The following RYR2 variants were observed in gnomAD, a reference collection of about 807,000 sequenced individuals.
RYR2 encodes ryanodine receptor 2.
In RYR2, 227 loss-of-function variants were observed where a neutral mutation model predicts 601.1. That is an observed-to-expected ratio of 0.38 (90% CI 0.34 to 0.42). The LOEUF (loss-of-function observed/expected upper bound fraction) is 0.42, where lower values mean the gene tolerates loss of function less well. RYR2 is among the 10% of genes least tolerant of loss of function. The pLI, the probability that RYR2 is intolerant of heterozygous loss-of-function variation, is 1.00. For synonymous variants in RYR2, 2,223 were observed against 2,175.1 expected (o/e 1.02, Z -0.61); for missense variants, 4,646 against 6,156.5 (o/e 0.75, Z 8.21).
chr1:237,812,571 G>T (rs925720882), intron 100 of RYR2, among the ~76,000 whole-genome samples: 9 of 152,090 alleles, frequency 5.9e-5, no homozygotes, highest in Admixed American at 4.6e-4. Context: ...TACTAGACAG[G>T]GAAATAGAAA....
chr1:237,416,120 G>T (rs1054372662), intron 10 of RYR2, among the ~76,000 whole-genome samples: 1 of 152,092 alleles, frequency 6.6e-6, no homozygotes, highest in Non-Finnish European at 1.5e-5. Flanking sequence ...TAAGTCTATT[G>T]GATTTGGTAA....
chr1:237,071,941 G>A (rs141411288), intron 1 of RYR2, among the ~76,000 whole-genome samples: 1,704 of 152,346 alleles, frequency 0.011, 23 homozygotes, highest in Non-Finnish European at 0.017. Context: ...TGGCCAGGTC[G>A]CGATAGCGCC....
At chr1:237,342,974 T>C (rs981998699) in intron 3 of RYR2, among the ~76,000 whole-genome samples, 1 of 152,106 alleles carries the variant, frequency 6.6e-6, no homozygotes, top group Non-Finnish European at 1.5e-5. Context: ...TTTGGGAGTC[T>C]GAGGTGGGAG....
At chr1:237,778,517 C>G (rs1038248163) in intron 87 of RYR2, 149 bp from the exon 88 acceptor site, 13 of 456,058 alleles carry the variant, frequency 2.9e-5, no homozygotes, top group Non-Finnish European at 5.1e-5. Context: ...ACTGTATCTC[C>G]TTCTTTCACT....
At chr1:237,051,198 C>T (rs1450253604) in intron 1 of RYR2, among the ~76,000 whole-genome samples, 3 of 124,598 alleles carry the variant, frequency 2.4e-5, no homozygotes, top group African/African-American at 9.4e-5. Flanking sequence ...TTTTCCCTTC[C>T]CTCCCTTTCC....
At position 237,356,073 on chromosome 1, in the gene RYR2, G is replaced by A. The variant is rs1336011872; in HGVS notation, c.294+88G>A. Reference sequence around the variant, plus strand: ...CTAATCTTTCATTTTGCTTCCTAGTGTGGCTTGTACTATTAGTGTTCAAAC... The same window carrying A: ...CTAATCTTTCATTTTGCTTCCTAGTATGGCTTGTACTATTAGTGTTCAAAC... On this transcript the variant is annotated intron_variant, in intron 4 of 104. Coordinates refer to ENST00000366574, the MANE Select transcript of RYR2 (RefSeq NM_001035.3). 4 of 1,231,692 alleles carry A rather than the reference G, an allele frequency of 3.2e-6. No individual in the cohort carries two copies. In the East Asian group the frequency reaches 7.3e-5, roughly 22 times the overall value. 76.3% of individuals were successfully genotyped at this position (1,231,692 alleles called of 1,614,324 possible). A position where few individuals can be genotyped will look rare whatever the true frequency, so the allele number is the denominator to read the frequency against.
At position 237,473,431 on chromosome 1, in the gene RYR2, C is replaced by CTTTCTTTCTTTCTTTCTT. The variant is rs1466932341; in HGVS notation, c.1708+4245_1708+4246insTTCTTTCTTTCTTTCTTT. On this transcript the variant is annotated intron_variant, in intron 17 of 104. Transcript: ENST00000366574. ...AGAACGAGACTCCATCTCTCTCTCT[C>CTTTCTTTCTTTCTTTCTT]TCTTTCTTTCTTTCTTTCTTTCTTT... Among the ~76,000 whole-genome samples the CTTTCTTTCTTTCTTTCTT allele has an allele frequency of 5.8e-3, 677 of 115,836 alleles. 10 individuals are homozygous for CTTTCTTTCTTTCTTTCTT. Among genetic ancestry groups the CTTTCTTTCTTTCTTTCTT allele is most frequent in the African/African-American group, 0.02 (636 of 31,554 alleles). 76.0% of individuals were successfully genotyped at this position (115,836 alleles called of 152,430 possible).
Position 237,475,887 on chromosome 1 carries a change from T to G in RYR2, c.1708+6700T>G, listed in dbSNP as rs1341043317. On this transcript the variant is annotated intron_variant, in intron 17 of 104. Transcript: ENST00000366574. ...TATTTTCCCTGACTTCAAGTGTGTCTAGTGATTATGTCGCTGGGCCAAAGT... is the reference window on the plus strand; with the variant it reads ...TATTTTCCCTGACTTCAAGTGTGTCGAGTGATTATGTCGCTGGGCCAAAGT... Among the ~76,000 whole-genome samples, 7 of 151,122 alleles carry G rather than the reference T, an allele frequency of 4.6e-5. No individual in the cohort carries two copies. In the East Asian group the frequency reaches 1.2e-3, roughly 26 times the overall value.
intron 89 of RYR2, among the ~76,000 whole-genome samples, chr1:237,783,004 C>T (rs1436645343): frequency 6.6e-6 from 1 of 152,188 alleles, no homozygotes; most frequent in East Asian, 1.9e-4. Context: ...ATAGCACGTT[C>T]TGTTCAATGA....
chr1:237,546,668 A>C (rs1327538854), intron 25 of RYR2, among the ~76,000 whole-genome samples: 2 of 152,134 alleles, frequency 1.3e-5, no homozygotes, highest in Non-Finnish European at 1.5e-5. Flanking sequence ...GAAGTGAGCT[A>C]CCAAGCCCAG....
rs982384666 is a variant in RYR2 at position 237,784,791 on chromosome 1, C to T, written c.13079C>T (p.Ser4360Phe). ...ERKPLEAALP[S>F]EDLTDLKELT... ...AAACCCCTGGAAGCCGCCCTGCCCT[C>T]CGAGGATCTGACCGACTTAAAGGAG... is the stretch of plus-strand genomic sequence containing the variant. The change falls in exon 90 of 105, where the codon TCC becomes TTC. Residue 4360 changes from serine to phenylalanine, a missense_variant. Around this residue, in one of 17 missense-constraint regions of RYR2, gnomAD observed 364 missense variants for 442.9 expected, o/e 0.82. Coordinates refer to ENST00000366574, the MANE Select transcript of RYR2 (RefSeq NM_001035.3). This position sits in a 1 kb window ranked among gnomAD's most constrained non-coding sequence, Gnocchi z 7.1. The T allele has an allele frequency of 6.2e-6, 10 of 1,610,666 alleles. No homozygotes were observed. The highest frequency in any genetic ancestry group is 7.6e-6 in the Non-Finnish European group (9 of 1,177,676).
chr1:237,370,294 CA>C lies in RYR2; in HGVS notation c.384+690del, dbSNP rs1241247295. Reference sequence around the variant, plus strand: ...AGTCACATATAACTTTTGATTCCCTCAAAAGATAACTATTAATATCCCCCTG... The same window carrying C: ...AGTCACATATAACTTTTGATTCCCTCAAAGATAACTATTAATATCCCCCTG... On this transcript the variant is annotated intron_variant, in intron 6 of 104. Transcript: ENST00000366574. Among the ~76,000 whole-genome samples, 5 of 152,184 alleles carry C rather than the reference CA, an allele frequency of 3.3e-5. 1 individual carries two copies. The South Asian group carries it at 1.0e-3, about 32-fold the overall frequency.
intron 100 of RYR2, among the ~76,000 whole-genome samples, chr1:237,814,351 T>G (rs931868264): frequency 6.6e-6 from 1 of 152,204 alleles, no homozygotes; most frequent in African/African-American, 2.4e-5. Context: ...CAGGGCGATG[T>G]CTATATTCTC....
At chr1:237,285,423 A>C (rs1296295203) in intron 2 of RYR2, among the ~76,000 whole-genome samples, 1 of 152,016 alleles carries the variant, frequency 6.6e-6, no homozygotes, top group Non-Finnish European at 1.5e-5. Flanking sequence ...TGTTGGATTC[A>C]GTTAGTATTT....
intron 17 of RYR2, among the ~76,000 whole-genome samples, chr1:237,488,767 A>G (rs965727781): frequency 6.6e-6 from 1 of 152,006 alleles, no homozygotes; most frequent in African/African-American, 2.4e-5. Flanking sequence ...CCAAACCTAT[A>G]AGAACTAATG....
intron 29 of RYR2, among the ~76,000 whole-genome samples, chr1:237,575,719 C>T (rs12141182): frequency 0.29 from 44,241 of 151,956 alleles, 6,995 homozygotes; most frequent in East Asian, 0.66. Flanking sequence ...ACTTATAAAA[C>T]CTTTCAGTAC....
chr1:237,436,454 C>CTTTTTTTTTCTTTTTTTTTTTTTTTT (rs1707370759), intron 12 of RYR2, among the ~76,000 whole-genome samples: 1 of 48,730 alleles, frequency 2.1e-5, no homozygotes, highest in African/African-American at 9.9e-5. Flanking sequence ...TGTGATTTTC[C>CTTTTTTTTTCTTTTTTTTTTTTTTTT]TTTTTTTTTT....
At chr1:237,626,281 G>C (rs1679636679) in intron 40 of RYR2, among the ~76,000 whole-genome samples, 1 of 152,040 alleles carries the variant, frequency 6.6e-6, no homozygotes, top group African/African-American at 2.4e-5. Flanking sequence ...CTTGGGCTGT[G>C]AGTGCCTTGG....
At chr1:237,757,185 A>T (rs1226233189) in intron 81 of RYR2, among the ~76,000 whole-genome samples, 1 of 152,208 alleles carries the variant, frequency 6.6e-6, no homozygotes, top group African/African-American at 2.4e-5. Context: ...CACTAAATAA[A>T]ATTTTGTTAT....
Sources: allele counts gnomAD v4.1 joint callset (sites outside exome capture counted in the v4.1 genomes callset), GRCh38; gene constraint gnomAD v4.1.1; regional missense constraint gnomAD v4.1.1; non-coding constraint Gnocchi (gnomAD v3.1); transcripts MANE v1.5; gene names NCBI Gene and HGNC (gene_info 2026-07-23, HGNC 2026-07-21).